The following CSMD1 variants were observed in gnomAD, a reference collection of about 807,000 sequenced individuals.
CSMD1 encodes the protein CUB and sushi domain-containing protein 1.
In CSMD1, 213 loss-of-function variants were observed where a neutral mutation model predicts 417.5. The ratio of observed to expected loss-of-function variants is 0.51; its 90% CI spans 0.46 to 0.57. CSMD1 has a LOEUF of 0.57. CSMD1 is among the 20% of genes least tolerant of loss of function. CSMD1 has a pLI of 0.00. For missense variants in CSMD1, 6,923 were observed against 4,529.7 expected (o/e 1.53, Z -15.17); for synonymous variants, 2,862 against 1,736.8 (o/e 1.65, Z -16.11).
intron 40 of CSMD1, among the ~76,000 whole-genome samples, chr8:3,144,315 T>C (rs1252430029): frequency 1.3e-5 from 2 of 152,114 alleles, no homozygotes; most frequent in Non-Finnish European, 2.9e-5. Context: ...AGTCTCATGA[T>C]GGTAAAAATA....
chr8:3,360,654 A>G (rs1211168853), intron 20 of CSMD1, among the ~76,000 whole-genome samples: 2 of 152,254 alleles, frequency 1.3e-5, no homozygotes, highest in Middle Eastern at 3.2e-3. Flanking sequence ...GAATTGGGAC[A>G]ATGAAGATCA....
At chr8:4,086,437 ATAC>A (rs1388290893) in intron 3 of CSMD1, among the ~76,000 whole-genome samples, 18 of 152,234 alleles carry the variant, frequency 1.2e-4, no homozygotes, top group Non-Finnish European at 1.6e-4. Context: ...TTTTCTTAAA[ATAC>A]TACTATTACT....
chr8:4,700,247 G>C lies in CSMD1; in HGVS notation c.86-62689C>G, dbSNP rs568049659. 9.2e-5 allele frequency among the ~76,000 whole-genome samples: 14 copies of C among 152,088 alleles called. No individual in the cohort carries two copies. The East Asian group carries it at 2.7e-3, about 29-fold the overall frequency. ...AAAGGAATCAAAGAAAGAACCTCTT[G>C]TTTTCTAGCAGGAAAGGTGAAACTC... On this transcript the variant is annotated intron_variant, in intron 1 of 69. Transcript: ENST00000635120.
chr8:4,546,260 G>A (rs1186355779), intron 2 of CSMD1, among the ~76,000 whole-genome samples: 2 of 152,184 alleles, frequency 1.3e-5, no homozygotes, highest in Non-Finnish European at 2.9e-5. Context: ...CCTCTGGAGG[G>A]TCCTTTCCAT....
intron 6 of CSMD1, among the ~76,000 whole-genome samples, chr8:3,719,143 C>T (rs189015195): frequency 1.1e-3 from 169 of 152,292 alleles, no homozygotes; most frequent in Non-Finnish European, 1.6e-3. Context: ...TTAACTCGTT[C>T]TTCTTTTCTA....
chr8:4,009,115 C>T (rs577408824), intron 4 of CSMD1, among the ~76,000 whole-genome samples: 1 of 152,130 alleles, frequency 6.6e-6, no homozygotes, highest in African/African-American at 2.4e-5. Flanking sequence ...AATGGTTGAA[C>T]ACCACTGACT....
intron 22 of CSMD1, 93 bp from the exon 23 acceptor site, chr8:3,343,543 G>C (rs373804304): frequency 4.7e-5 from 52 of 1,100,680 alleles, no homozygotes; most frequent in East Asian, 4.1e-4. Flanking sequence ...CAAAGATGCA[G>C]TTTTAAACAA....
intron 1 of CSMD1, among the ~76,000 whole-genome samples, chr8:4,793,765 T>C (rs1797823907): frequency 1.3e-5 from 2 of 150,438 alleles, no homozygotes; most frequent in Admixed American, 6.6e-5. Context: ...CGTTTTACCA[T>C]CTTGAAAGAA....
intron 4 of CSMD1, among the ~76,000 whole-genome samples, chr8:4,011,245 G>A (rs17068532): frequency 5.9e-5 from 9 of 151,976 alleles, no homozygotes; most frequent in African/African-American, 1.5e-4. Flanking sequence ...TTTAAGCCAC[G>A]ACTTTACCAG....
intron 3 of CSMD1, among the ~76,000 whole-genome samples, chr8:4,339,750 G>T (rs1447467503): frequency 6.6e-6 from 1 of 152,098 alleles, no homozygotes; most frequent in African/African-American, 2.4e-5. Context: ...AAAGCTGAGT[G>T]CAGGGGCTTA....
chr8:4,201,619 T>C (rs1486317421), intron 3 of CSMD1, among the ~76,000 whole-genome samples: 3 of 125,434 alleles, frequency 2.4e-5, no homozygotes, highest in African/African-American at 9.3e-5. Flanking sequence ...AATTGAAATA[T>C]AAAATACAAA....
At chr8:3,839,423 TATA>T (rs1320403833) in intron 5 of CSMD1, among the ~76,000 whole-genome samples, 1 of 124,008 alleles carries the variant, frequency 8.1e-6, no homozygotes, top group Non-Finnish European at 1.6e-5. Flanking sequence ...AATAAATATA[TATA>T]ATAAATTAAT....
chr8:3,105,460 C>G (rs1489897512), intron 46 of CSMD1, among the ~76,000 whole-genome samples: 1 of 152,208 alleles, frequency 6.6e-6, no homozygotes, highest in Non-Finnish European at 1.5e-5. Flanking sequence ...TTTCGACTTA[C>G]TTGAGCATTT....
At chr8:3,377,097 C>T (rs997743961) in intron 18 of CSMD1, among the ~76,000 whole-genome samples, 2 of 152,046 alleles carry the variant, frequency 1.3e-5, no homozygotes, top group Admixed American at 6.6e-5. Flanking sequence ...CAGCCTTGAC[C>T]ACCTGGGCTC....
chr8:3,891,467 T>A (rs996269473), intron 5 of CSMD1, among the ~76,000 whole-genome samples: 1 of 152,058 alleles, frequency 6.6e-6, no homozygotes, highest in Non-Finnish European at 1.5e-5. Context: ...ATTTCCTGTA[T>A]ACAGGAGTTT....
chr8:3,518,452 C>G (rs1001582805), intron 10 of CSMD1, among the ~76,000 whole-genome samples: 5 of 152,096 alleles, frequency 3.3e-5, no homozygotes, highest in Non-Finnish European at 5.9e-5. Context: ...AATTCTGACA[C>G]ATAGAAACAA....
intron 3 of CSMD1, among the ~76,000 whole-genome samples, chr8:4,352,552 G>A (rs942873331): frequency 5.3e-5 from 8 of 152,160 alleles, no homozygotes; most frequent in Non-Finnish European, 5.9e-5. Context: ...CATCATCTAT[G>A]TCATCCTTTC....
At chr8:3,975,159 A>T (rs1040956502) in intron 5 of CSMD1, among the ~76,000 whole-genome samples, 1 of 152,260 alleles carries the variant, frequency 6.6e-6, no homozygotes, top group African/African-American at 2.4e-5. Context: ...GGCATGCCTC[A>T]TCTTACAGTA....
intron 1 of CSMD1, among the ~76,000 whole-genome samples, chr8:4,745,729 A>G (rs951060911): frequency 1.3e-5 from 2 of 152,200 alleles, no homozygotes; most frequent in Non-Finnish European, 2.9e-5. Context: ...GCATACTTTA[A>G]TGGAGTAACA....
Sources: gnomAD v4.1 joint callset for allele counts (sites outside exome capture counted in the v4.1 genomes callset) on GRCh38, gnomAD v4.1.1 for gene constraint, MANE v1.5 for transcripts, NCBI Gene and HGNC (gene_info 2026-07-23, HGNC 2026-07-21) for gene names.